Variants in COQ5 observed in about 807,000 individuals in gnomAD.
COQ5 encodes the protein 2-methoxy-6-polyprenyl-1,4-benzoquinol methylase, mitochondrial.
COQ5 carries 27 observed loss-of-function variants against 40.5 expected under a neutral mutation model. The ratio of observed to expected loss-of-function variants is 0.67; its 90% CI spans 0.49 to 0.92. COQ5 has a LOEUF of 0.92. Among genes scored for constraint, COQ5 ranks in the 40% least tolerant of loss-of-function variants. The pLI is 0.00. For synonymous variants in COQ5, 141 were observed against 150.0 expected (o/e 0.94, Z 0.44); for missense variants, 409 against 406.4 (o/e 1.01, Z -0.06).
rs76637606 is a variant in COQ5, at chr12:120,511,521, T to C, written c.575-1398A>G. Among the ~76,000 whole-genome samples the C allele has an allele frequency of 6.8e-3, 1,031 of 152,246 alleles. 10 individuals carry two copies. The highest frequency in any genetic ancestry group is 0.037 in the Middle Eastern group (11 of 294). The stretch of plus-strand genomic sequence containing the variant: ...AAAGTCTGAGCTGAGCACGGTGGCA[T>C]GCACCTGTAATCCCAGAGACTCAGG... On this transcript the variant is annotated intron_variant, in intron 3 of 6. Transcript: ENST00000288532.
intron 4 of COQ5, among the ~76,000 whole-genome samples, chr12:120,505,490 C>A (rs879318285): frequency 6.6e-6 from 1 of 151,802 alleles, no homozygotes. Flanking sequence ...CAGGTTCAAG[C>A]GATTCTCCTG....
At position 120,526,698 on chromosome 12, in the gene COQ5, A is replaced by ATTTTTTTTTTTTTTTTTTTTTTTTTT. The variant is rs61584250; in HGVS notation, c.202+2216_202+2241dup. On this transcript the variant is annotated intron_variant, in intron 1 of 6. Transcript: ENST00000288532. ...AATAGTGCTCAAACTACTCTTGGCA[A>ATTTTTTTTTTTTTTTTTTTTTTTTTT]TTTTTTTTTTTTTTTTTTTTTTTTT... 1.4e-4 allele frequency among the ~76,000 whole-genome samples: 9 copies of ATTTTTTTTTTTTTTTTTTTTTTTTTT among 64,150 alleles called. 1 individual carries two copies. Among genetic ancestry groups the ATTTTTTTTTTTTTTTTTTTTTTTTTT allele is most frequent in the African/African-American group, 6.6e-4 (8 of 12,192 alleles). The allele number at this position is 64,150 out of a possible 152,430, so 42.1% of individuals were successfully genotyped here.
chr12:120,515,132 C>A (rs1342033887), intron 3 of COQ5, among the ~76,000 whole-genome samples: 1 of 151,912 alleles, frequency 6.6e-6, no homozygotes, highest in Non-Finnish European at 1.5e-5. Context: ...TACTCTGTTG[C>A]CCAGGCTGGA....
At chr12:120,505,914 G>A (rs538664984) in intron 4 of COQ5, among the ~76,000 whole-genome samples, 2 of 151,648 alleles carry the variant, frequency 1.3e-5, no homozygotes, top group Non-Finnish European at 2.9e-5. Flanking sequence ...AGAGTGCAAT[G>A]GCATGATCTC....
intron 1 of COQ5, 59 bp downstream of exon 1, chr12:120,528,881 A>G (rs1030926541): frequency 1.4e-6 from 2 of 1,480,932 alleles, no homozygotes; most frequent in African/African-American, 2.8e-5. Context: ...CTAACTGGCC[A>G]GAAGAAACCA....
Position 120,522,383 on chromosome 12 carries a change from C to T in COQ5, c.203-20G>A, listed in dbSNP as rs1869709834. 1 of 1,610,958 alleles carries T rather than the reference C, an allele frequency of 6.2e-7. No homozygotes were observed. Among genetic ancestry groups the T allele is most frequent in the African/African-American group, 1.3e-5 (1 of 74,894 alleles). On this transcript the variant is annotated intron_variant, in intron 1 of 6. Transcript: ENST00000288532. ...GATAGACTGACATGGGAGAAACACA[C>T]ACAATAGTGCTATTAACAGAATTCC... is the stretch of plus-strand genomic sequence containing the variant.
In COQ5 at chr12:120,529,136, C is replaced by A; in HGVS notation, c.6G>T (p.Ala2=). Residue 2 remains alanine (A), a synonymous_variant, in exon 1 of 7, where the codon GCG becomes GCT. Coordinates refer to ENST00000288532, the MANE Select transcript of COQ5 (RefSeq NM_032314.4). ...TCCATAGAGCACAGCTCCCGGGGGC[C>A]GCCATCTTGGTAGTCGAGTGACAAC... The part of the protein sequence containing the change: M[A]APGSCALWSY... The A allele has an allele frequency of 6.2e-7, 1 of 1,613,224 alleles. No individual in the cohort carries two copies.
chr12:120,504,658 G>C, intron 5 of COQ5: 1 of 513,634 alleles, frequency 1.9e-6, no homozygotes, highest in Non-Finnish European at 3.5e-6. Flanking sequence ...ATTGGACCAG[G>C]CATTTCCTGA....
chr12:120,514,799 G>A (rs1227465343), intron 3 of COQ5, among the ~76,000 whole-genome samples: 1 of 151,394 alleles, frequency 6.6e-6, no homozygotes, highest in Non-Finnish European at 1.5e-5. Context: ...GGGCCAACAG[G>A]GTGCAGTTGC....
chr12:120,521,877 GTCCCAGCTAC>G (rs1442951494), intron 2 of COQ5, among the ~76,000 whole-genome samples: 1 of 148,996 alleles, frequency 6.7e-6, no homozygotes, highest in African/African-American at 2.5e-5. Flanking sequence ...TACGCCCGTA[GTCCCAGCTAC>G]TCAGGAGGCT....
intron 1 of COQ5, chr12:120,526,377 G>A: frequency 2.4e-6 from 1 of 417,668 alleles, no homozygotes; most frequent in Non-Finnish European, 4.8e-6. Context: ...AGAAATAGAT[G>A]ACTGTGGGAA....
chr12:120,521,425 C>T (rs1286528319), intron 2 of COQ5, among the ~76,000 whole-genome samples: 2 of 151,900 alleles, frequency 1.3e-5, no homozygotes, highest in African/African-American at 2.4e-5. Context: ...CTCCTGTAAT[C>T]CCAGCACCTT....
At chr12:120,526,515 A>T (rs1056382925) in intron 1 of COQ5, 1 of 454,518 alleles carries the variant, frequency 2.2e-6, no homozygotes, top group Non-Finnish European at 4.4e-6. Context: ...AGAAGAAGTG[A>T]TGCCAGCAAA....
At chr12:120,505,246 A>C (rs1868827747) in intron 4 of COQ5, among the ~76,000 whole-genome samples, 1 of 152,228 alleles carries the variant, frequency 6.6e-6, no homozygotes, top group Admixed American at 6.5e-5. Context: ...CATGAAGGGT[A>C]AGTTTAGAGT....
chr12:120,521,599 C>A (rs1341682099), intron 2 of COQ5, among the ~76,000 whole-genome samples: 2 of 150,438 alleles, frequency 1.3e-5, no homozygotes, highest in Non-Finnish European at 3.0e-5. Context: ...TGCTTGAACC[C>A]CGGAGGTGGA....
At chr12:120,513,426 C>T (rs1312144112) in intron 3 of COQ5, among the ~76,000 whole-genome samples, 1 of 149,318 alleles carries the variant, frequency 6.7e-6, no homozygotes, top group Admixed American at 6.7e-5. Context: ...GGCGTGAACC[C>T]GGGAGGCGGA....
chr12:120,513,274 C>T (rs1156923566), intron 3 of COQ5, among the ~76,000 whole-genome samples: 10 of 149,652 alleles, frequency 6.7e-5, no homozygotes, highest in South Asian at 6.4e-4. Context: ...GAGGCCGAGG[C>T]GGGCGGATCA....
chr12:120,512,713 T>C (rs552912665), intron 3 of COQ5, among the ~76,000 whole-genome samples: 1 of 152,254 alleles, frequency 6.6e-6, no homozygotes, highest in Admixed American at 6.5e-5. Context: ...ATTACCATAT[T>C]GAGGGGCAAC....
chr12:120,504,037 T>C lies in COQ5; in HGVS notation c.815A>G (p.Glu272Gly), dbSNP rs1212380802. The change falls in exon 6 of 7, where the codon GAG becomes GGG. Residue 272 changes from glutamate (E) to glycine (G), a missense_variant. By Grantham distance (98) the Glu-to-Gly change is moderately conservative (BLOSUM62 -2). Coordinates refer to ENST00000288532, the MANE Select transcript of COQ5 (RefSeq NM_032314.4). ...YSFQVIPVLG[E>G]VIAGDWKSYQ... ...GGACTTCCAGTCTCCAGCGATGACCTCTCCCAGGACAGGGATGACCTGGAA... is the reference window on the plus strand; with the variant it reads ...GGACTTCCAGTCTCCAGCGATGACCCCTCCCAGGACAGGGATGACCTGGAA... The C allele has an allele frequency of 1.9e-6, 3 of 1,613,460 alleles. No homozygotes were observed. Among genetic ancestry groups the C allele is most frequent in the East Asian group, 2.2e-5 (1 of 44,878 alleles).
Sources: allele counts gnomAD v4.1 joint callset (sites outside exome capture counted in the v4.1 genomes callset), GRCh38; gene constraint gnomAD v4.1.1; transcripts MANE v1.5; gene names NCBI Gene and HGNC (gene_info 2026-07-23, HGNC 2026-07-21).